The following UBR2 variants were observed in gnomAD, a reference collection of about 807,000 sequenced individuals.
UBR2 encodes E3 ubiquitin-protein ligase UBR2.
UBR2 carries 92 observed loss-of-function variants against 247.9 expected under a neutral mutation model. The observed-to-expected ratio is 0.37, with a 90% confidence interval of 0.31 to 0.44. The LOEUF (loss-of-function observed/expected upper bound fraction) is 0.44, where lower values mean the gene tolerates loss of function less well. UBR2 is among the 20% of genes least tolerant of loss of function. The pLI, the probability that UBR2 is intolerant of heterozygous loss-of-function variation, is 1.00. For missense variants in UBR2, 1,613 were observed against 2,112.6 expected (o/e 0.76, Z 4.64); for synonymous variants, 672 against 693.5 (o/e 0.97, Z 0.49).
chr6:42,692,856 G>C lies in UBR2; in HGVS notation c.*1683G>C, dbSNP rs539138215. On this transcript the variant is annotated 3_prime_UTR_variant, in exon 47 of 47. Coordinates refer to ENST00000372901, the MANE Select transcript of UBR2 (RefSeq NM_001363705.2). The stretch of plus-strand genomic sequence containing the variant: ...TTGCGTGGGACTGACTCACCCAGCT[G>C]AGAGGAGGACCAATAGAAAGAAAAT... 5.9e-5 allele frequency: 9 copies of C among 152,302 alleles called. No homozygotes were observed. The East Asian group carries it at 1.7e-3, about 29-fold the overall frequency. The allele number at this position is 152,302 out of a possible 1,614,324, so 9.4% of individuals were successfully genotyped here.
chr6:42,678,589 C>A lies in UBR2; in HGVS notation c.4529C>A (p.Ala1510Asp). ...TGGCATCTGTGGAGGAGTGTCAGAGCTGGAATCATGCCTTTCCTGAAGTGT... is the reference window on the plus strand; with the variant it reads ...TGGCATCTGTGGAGGAGTGTCAGAGATGGAATCATGCCTTTCCTGAAGTGT... ...SGWHLWRSVR[A>D]GIMPFLKCSA... Residue 1510 changes from alanine (A) to aspartate (D), a missense_variant, in exon 41 of 47, where the codon GCT (alanine) becomes GAT (aspartate). Around this residue, in one of 3 missense-constraint regions of UBR2, gnomAD observed 1,524 missense variants for 1,967.3 expected, o/e 0.77. Coordinates refer to ENST00000372901, the MANE Select transcript of UBR2 (RefSeq NM_001363705.2). 6.2e-7 allele frequency: 1 copy of A among 1,613,938 alleles called. No homozygotes were observed. Among genetic ancestry groups the A allele is most frequent in the Non-Finnish European group, 8.5e-7 (1 of 1,179,932 alleles).
In UBR2 at chr6:42,670,254, A is replaced by G. The variant is rs759338065; in HGVS notation, c.4030+14A>G. The G allele has an allele frequency of 1.2e-5, 19 of 1,610,550 alleles. No homozygotes were observed. Among genetic ancestry groups the G allele is most frequent in the Non-Finnish European group, 1.5e-5 (18 of 1,177,180 alleles). ...TCCAAAGCATAGGTAAGAGATTTAC[A>G]GCTGTTTCTCTATAAGTCACAAGCA... is the stretch of plus-strand genomic sequence containing the variant. On this transcript the variant is annotated intron_variant, in intron 35 of 46. Coordinates refer to ENST00000372901, the MANE Select transcript of UBR2 (RefSeq NM_001363705.2).
intron 44 of UBR2, 83 bp downstream of exon 44, chr6:42,684,954 C>T: frequency 1.7e-6 from 2 of 1,169,606 alleles, no homozygotes; most frequent in Non-Finnish European, 2.5e-6. Context: ...TGTTGTTGTT[C>T]TTTGTTTGGG....
chr6:42,681,653 T>C (rs1799064148), intron 42 of UBR2, among the ~76,000 whole-genome samples: 1 of 152,098 alleles, frequency 6.6e-6, no homozygotes, highest in African/African-American at 2.4e-5. Context: ...GCATGGGATA[T>C]AGAAAATGAT....
intron 5 of UBR2, among the ~76,000 whole-genome samples, chr6:42,605,006 G>A (rs1007264138): frequency 5.4e-5 from 8 of 149,192 alleles, no homozygotes; most frequent in East Asian, 1.9e-4. Context: ...CAGCCTGGGC[G>A]ACAGAGTGAG....
chr6:42,675,915 C>T, intron 38 of UBR2, 141 bp from the exon 39 acceptor site: 1 of 1,158,686 alleles, frequency 8.6e-7, no homozygotes, highest in Non-Finnish European at 1.2e-6. Context: ...CGAGGTTGCG[C>T]CATTGCACTC....
At chr6:42,614,217 TACAC>T (rs576036792) in intron 8 of UBR2, among the ~76,000 whole-genome samples, 3,960 of 61,730 alleles carry the variant, frequency 0.064, 368 homozygotes, top group South Asian at 0.12. Flanking sequence ...TATATATATA[TACAC>T]ACACACACAC....
chr6:42,686,714 C>G (rs1414193067), intron 44 of UBR2, among the ~76,000 whole-genome samples: 2 of 151,460 alleles, frequency 1.3e-5, no homozygotes, highest in Non-Finnish European at 3.0e-5. Context: ...AGCTGCCCCC[C>G]ACCTCCCGGA....
intron 4 of UBR2, among the ~76,000 whole-genome samples, chr6:42,600,887 G>T (rs1371846065): frequency 1.3e-5 from 2 of 152,072 alleles, no homozygotes; most frequent in African/African-American, 2.4e-5. Flanking sequence ...AAACTCCTGG[G>T]CTCAAGCAGT....
intron 11 of UBR2, 25 bp from the exon 12 acceptor site, chr6:42,632,527 G>A: frequency 1.9e-6 from 3 of 1,566,060 alleles, no homozygotes; most frequent in Non-Finnish European, 2.6e-6. Flanking sequence ...TGATTACCAT[G>A]CACTCTGATA....
At chr6:42,611,580 G>A (rs1794090707) in intron 7 of UBR2, among the ~76,000 whole-genome samples, 1 of 151,832 alleles carries the variant, frequency 6.6e-6, no homozygotes, top group South Asian at 2.1e-4. Flanking sequence ...ATTTATTATT[G>A]GTACAGCAGA....
intron 44 of UBR2, among the ~76,000 whole-genome samples, chr6:42,686,895 C>A (rs892102810): frequency 4.6e-5 from 7 of 152,026 alleles, no homozygotes; most frequent in Non-Finnish European, 1.0e-4. Context: ...AGGGTCGCGG[C>A]CGGGCAGAGG....
At chr6:42,625,967 C>T (rs529335331) in intron 11 of UBR2, among the ~76,000 whole-genome samples, 1 of 151,926 alleles carries the variant, frequency 6.6e-6, no homozygotes, top group Non-Finnish European at 1.5e-5. Flanking sequence ...GCACCCGCCA[C>T]CATGCCTGGC....
intron 22 of UBR2, among the ~76,000 whole-genome samples, chr6:42,649,710 T>G (rs1174840717): frequency 6.6e-6 from 1 of 152,202 alleles, no homozygotes; most frequent in Non-Finnish European, 1.5e-5. Flanking sequence ...GCATTTTTCT[T>G]TATGGTTGTT....
At chr6:42,612,149 A>T (rs1202822324) in intron 7 of UBR2, 22 bp from the exon 8 acceptor site, 5 of 1,489,358 alleles carry the variant, frequency 3.4e-6, no homozygotes, top group Admixed American at 3.7e-5. Context: ...TTAATTTTTA[A>T]ATCTTGCCAT....
intron 2 of UBR2, among the ~76,000 whole-genome samples, chr6:42,587,963 C>T (rs979561853): frequency 6.6e-6 from 1 of 152,028 alleles, no homozygotes; most frequent in Non-Finnish European, 1.5e-5. Context: ...TTTTTTTACC[C>T]TAAGGATTTC....
chr6:42,688,491 CCGTGTG>C, intron 45 of UBR2, 105 bp downstream of exon 45: 2 of 1,317,926 alleles, frequency 1.5e-6, no homozygotes, highest in Non-Finnish European at 2.1e-6. Flanking sequence ...GACTACTGTT[CCGTGTG>C]ATTCATTCCA....
At chr6:42,668,840 G>A (rs185703146) in intron 34 of UBR2, among the ~76,000 whole-genome samples, 47 of 152,264 alleles carry the variant, frequency 3.1e-4, no homozygotes, top group African/African-American at 1.1e-3. Context: ...CTCCTGAGTA[G>A]TTGGGATTAC....
intron 32 of UBR2, among the ~76,000 whole-genome samples, chr6:42,663,825 A>G (rs549588023): frequency 2.6e-5 from 4 of 152,296 alleles, no homozygotes; most frequent in Middle Eastern, 3.4e-3. Context: ...TAGTTTTAAG[A>G]ACCAGGCAAA....
Sources: gnomAD v4.1 joint callset for allele counts (sites outside exome capture counted in the v4.1 genomes callset) on GRCh38, gnomAD v4.1.1 for gene constraint, gnomAD v4.1.1 regional missense constraint, MANE v1.5 for transcripts, NCBI Gene and HGNC (gene_info 2026-07-23, HGNC 2026-07-21) for gene names.